Variants in GALNTL6 observed in about 807,000 individuals in gnomAD.
GALNTL6 encodes the protein polypeptide N-acetylgalactosaminyltransferase like 6.
Under a neutral mutation model 73.7 loss-of-function variants are expected in GALNTL6, and 46 were observed. That is an observed-to-expected ratio of 0.62 (90% CI 0.49 to 0.80). The LOEUF (loss-of-function observed/expected upper bound fraction) is 0.80. GALNTL6 is among the 30% of genes least tolerant of loss of function. The pLI, the probability that GALNTL6 is intolerant of heterozygous loss-of-function variation, is 0.00. For synonymous variants in GALNTL6, 259 were observed against 263.7 expected, an observed-to-expected ratio of 0.98 and a Z score of 0.17; for missense variants, 604 against 755.0, an observed-to-expected ratio of 0.80 and a Z score of 2.34.
intron 4 of GALNTL6, among the ~76,000 whole-genome samples, chr4:172,324,031 G>A (rs1740852944): frequency 1.3e-5 from 2 of 151,874 alleles, no homozygotes; most frequent in African/African-American, 4.8e-5. Context: ...TAGACTATGA[G>A]CCATAAAGGA....
intron 5 of GALNTL6, among the ~76,000 whole-genome samples, chr4:172,691,566 C>A (rs187819068): frequency 1.3e-5 from 2 of 152,308 alleles, no homozygotes. Flanking sequence ...CATTACTGCT[C>A]ATGACTCAAT....
At chr4:172,167,809 A>T (rs1579205216) in intron 2 of GALNTL6, among the ~76,000 whole-genome samples, 1 of 126,630 alleles carries the variant, frequency 7.9e-6, no homozygotes, top group African/African-American at 3.2e-5. Flanking sequence ...ATACAAAAAA[A>T]TTAGCCGGGC....
At chr4:172,297,052 A>G (rs923261691) in intron 3 of GALNTL6, among the ~76,000 whole-genome samples, 1 of 152,130 alleles carries the variant, frequency 6.6e-6, no homozygotes, top group African/African-American at 2.4e-5. Context: ...AATGATCGCC[A>G]TTCTGACTGG....
At chr4:172,460,406 A>C (rs1732568044) in intron 5 of GALNTL6, among the ~76,000 whole-genome samples, 1 of 152,178 alleles carries the variant, frequency 6.6e-6, no homozygotes, top group Non-Finnish European at 1.5e-5. Flanking sequence ...TGCACAACAA[A>C]AGAAATGATC....
At chr4:172,199,772 C>T (rs556626625) in intron 2 of GALNTL6, among the ~76,000 whole-genome samples, 27 of 152,104 alleles carry the variant, frequency 1.8e-4, no homozygotes, top group African/African-American at 5.5e-4. Context: ...TGTTTGTTTG[C>T]TTGCTTGCTT....
At chr4:171,858,314 T>G (rs1355013477) in intron 2 of GALNTL6, among the ~76,000 whole-genome samples, 1 of 152,148 alleles carries the variant, frequency 6.6e-6, no homozygotes, top group Non-Finnish European at 1.5e-5. Flanking sequence ...CATATAGTGT[T>G]AATTCTAGGA....
At chr4:172,125,859 C>CA (rs11446147) in intron 2 of GALNTL6, among the ~76,000 whole-genome samples, 69,105 of 151,906 alleles carry the variant, frequency 0.45, 16,582 homozygotes, top group African/African-American at 0.6. Context: ...TTACTTCCTT[C>CA]TAAGTCCATA....
intron 5 of GALNTL6, among the ~76,000 whole-genome samples, chr4:172,782,809 G>A (rs966056250): frequency 6.6e-6 from 1 of 152,048 alleles, no homozygotes; most frequent in Non-Finnish European, 1.5e-5. Flanking sequence ...TTCCAACTGT[G>A]GAGATTGAGG....
chr4:172,487,299 T>TTTCCTTCC (rs201082596), intron 5 of GALNTL6, among the ~76,000 whole-genome samples: 4,880 of 83,596 alleles, frequency 0.058, 148 homozygotes, highest in East Asian at 0.14. Flanking sequence ...TCTTTCCTTC[T>TTTCCTTCC]GTCTTTCTTT....
intron 5 of GALNTL6, among the ~76,000 whole-genome samples, chr4:172,382,121 C>G (rs538830422): frequency 1.3e-5 from 2 of 152,312 alleles, no homozygotes; most frequent in East Asian, 3.9e-4. Flanking sequence ...AGGCCAATCA[C>G]CATGCCTGGC....
chr4:172,735,662 A>G (rs1736417121), intron 5 of GALNTL6, among the ~76,000 whole-genome samples: 1 of 152,070 alleles, frequency 6.6e-6, no homozygotes, highest in African/African-American at 2.4e-5. Context: ...TGGTTTGGCT[A>G]TGTCTGCTTC....
chr4:172,168,703 A>G (rs1223656813), intron 2 of GALNTL6, among the ~76,000 whole-genome samples: 2 of 152,000 alleles, frequency 1.3e-5, no homozygotes, highest in Non-Finnish European at 2.9e-5. Context: ...GATGGTGATG[A>G]TGGTAATGGT....
chr4:171,855,204 A>G (rs1735654230), intron 2 of GALNTL6, among the ~76,000 whole-genome samples: 1 of 152,198 alleles, frequency 6.6e-6, no homozygotes, highest in Admixed American at 6.5e-5. Flanking sequence ...ATAATGGCAC[A>G]TATTCACCCG....
intron 2 of GALNTL6, among the ~76,000 whole-genome samples, chr4:171,857,928 T>C (rs141544812): frequency 2.0e-4 from 30 of 152,338 alleles, no homozygotes; most frequent in African/African-American, 7.0e-4. Flanking sequence ...GCCTGGTTCA[T>C]AGCTCAGGCT....
chr4:171,911,180 G>A (rs148690578), intron 2 of GALNTL6, among the ~76,000 whole-genome samples: 3,035 of 152,092 alleles, frequency 0.02, 88 homozygotes, highest in African/African-American at 0.069. Context: ...TTTTTATAGA[G>A]ACAGAGTCTC....
At chr4:171,873,061 A>T (rs781313634) in intron 2 of GALNTL6, among the ~76,000 whole-genome samples, 12 of 152,154 alleles carry the variant, frequency 7.9e-5, no homozygotes, top group Non-Finnish European at 1.6e-4. Flanking sequence ...ATATGTGCAT[A>T]TGTGTGCGCT....
At position 172,069,604 on chromosome 4, in the gene GALNTL6, G is replaced by A. The variant is rs199987737; in HGVS notation, c.139-160052G>A. Among the ~76,000 whole-genome samples, 2 of 13,936 alleles carry A rather than the reference G, an allele frequency of 1.4e-4. 1 individual carries two copies. Among genetic ancestry groups the A allele is most frequent in the African/African-American group, 2.7e-4 (2 of 7,416 alleles). 9.1% of individuals were successfully genotyped at this position (13,936 alleles called of 152,430 possible). On this transcript the variant is annotated intron_variant, in intron 2 of 12. Coordinates refer to ENST00000506823, the MANE Select transcript of GALNTL6 (RefSeq NM_001034845.3). Reference sequence around the variant, plus strand: ...TATATTATATATATAACACATATATGTTATATATATATAACATATATATAT... The same window carrying A: ...TATATTATATATATAACACATATATATTATATATATATAACATATATATAT...
intron 2 of GALNTL6, among the ~76,000 whole-genome samples, chr4:171,850,602 C>A (rs976271855): frequency 2.0e-5 from 3 of 152,166 alleles, no homozygotes; most frequent in Non-Finnish European, 2.9e-5. Context: ...TTACCCTTGC[C>A]AGCATGGCCT....
At chr4:172,263,820 A>G (rs1422362943) in intron 3 of GALNTL6, among the ~76,000 whole-genome samples, 1 of 151,602 alleles carries the variant, frequency 6.6e-6, no homozygotes, top group Non-Finnish European at 1.5e-5. Flanking sequence ...GAGGAAATGT[A>G]TGTACATAAG....
Sources: allele counts gnomAD v4.1 joint callset (sites outside exome capture counted in the v4.1 genomes callset), GRCh38; gene constraint gnomAD v4.1.1; transcripts MANE v1.5; gene names NCBI Gene and HGNC (gene_info 2026-07-23, HGNC 2026-07-21).